Variants in NUP88 observed in about 807,000 individuals in gnomAD.
NUP88 encodes nuclear pore complex protein Nup88.
NUP88 carries 57 observed loss-of-function variants against 93.9 expected under a neutral mutation model. That is an observed-to-expected ratio of 0.61 (90% CI 0.49 to 0.76). The LOEUF (loss-of-function observed/expected upper bound fraction) is 0.76, where lower values mean the gene tolerates loss of function less well. NUP88 is among the 30% of genes least tolerant of loss of function. The probability of loss-of-function intolerance (pLI) is 0.00; values close to 1 mark genes in which losing one functional copy is unlikely to be tolerated. For missense variants in NUP88, 911 were observed against 901.0 expected, an observed-to-expected ratio of 1.01 and a Z score of -0.14; for synonymous variants, 346 against 336.8, an observed-to-expected ratio of 1.03 and a Z score of -0.30.
At chr17:5,418,621 G>A (rs561404145) in intron 1 of NUP88, among the ~76,000 whole-genome samples, 40 of 152,252 alleles carry the variant, frequency 2.6e-4, no homozygotes, top group Admixed American at 7.8e-4. Flanking sequence ...TTTCAAAACT[G>A]CAGAAGCATT....
intron 8 of NUP88, among the ~76,000 whole-genome samples, chr17:5,399,221 A>T (rs1201392836): frequency 2.3e-5 from 3 of 128,696 alleles, no homozygotes; most frequent in South Asian, 2.5e-4. Flanking sequence ...AAAGCAAATT[A>T]TCCCAGACCC....
intron 5 of NUP88, among the ~76,000 whole-genome samples, chr17:5,407,155 T>G (rs920512361): frequency 2.0e-5 from 3 of 152,218 alleles, no homozygotes; most frequent in African/African-American, 7.2e-5. Context: ...CACCATTCTG[T>G]AACCTACCGA....
intron 13 of NUP88, 27 bp downstream of exon 13, chr17:5,387,578 T>C: frequency 1.9e-6 from 3 of 1,603,882 alleles, no homozygotes; most frequent in Non-Finnish European, 2.6e-6. Flanking sequence ...ACTGACCTAT[T>C]GTATTCTTCT....
At chr17:5,415,414 T>C (rs1914079320) in intron 2 of NUP88, among the ~76,000 whole-genome samples, 1 of 152,246 alleles carries the variant, frequency 6.6e-6, no homozygotes, top group Non-Finnish European at 1.5e-5. Context: ...TTTTCAGATA[T>C]AGTATCTCAT....
chr17:5,395,837 G>A lies in NUP88; in HGVS notation c.1292-856C>T, dbSNP rs148467930. Among the ~76,000 whole-genome samples the A allele has an allele frequency of 4.2e-3, 642 of 152,232 alleles. 5 individuals carry two copies. The highest frequency in any genetic ancestry group is 0.015 in the African/African-American group (605 of 41,538). ...CTGGCCTGTAACAGCTTTTTGAAAC[G>A]TAATTCACAGTACCATACAAGTCAT... On this transcript the variant is annotated intron_variant, in intron 8 of 16. Transcript: ENST00000573584.
intron 3 of NUP88, among the ~76,000 whole-genome samples, chr17:5,411,043 C>T (rs1288341797): frequency 6.6e-6 from 1 of 152,160 alleles, no homozygotes; most frequent in East Asian, 1.9e-4. Flanking sequence ...CATAACATCG[C>T]ACCTCTGTCA....
chr17:5,413,417 A>G (rs961862143), intron 3 of NUP88, among the ~76,000 whole-genome samples: 12 of 152,226 alleles, frequency 7.9e-5, no homozygotes, highest in African/African-American at 1.2e-4. Flanking sequence ...AGTGATTACG[A>G]AAAATAAAAC....
At chr17:5,404,906 G>A in intron 6 of NUP88, 151 bp downstream of exon 6, 2 of 717,072 alleles carry the variant, frequency 2.8e-6, no homozygotes, top group Non-Finnish European at 4.5e-6. Context: ...TGCTAAGTGT[G>A]CTTCAGCTAC....
At position 5,402,719 on chromosome 17, in the gene NUP88, T is replaced by C. The variant is rs151089049; in HGVS notation, c.1192+1380A>G. On this transcript the variant is annotated intron_variant, in intron 7 of 16. Coordinates refer to ENST00000573584, the MANE Select transcript of NUP88 (RefSeq NM_002532.6). ...GATTTCATTCTTTTTTAAAGCCAAA[T>C]AGGGCTGGGCATGGTGGTTCACACC... Among the ~76,000 whole-genome samples, 160 of 152,086 alleles carry C rather than the reference T, an allele frequency of 1.1e-3. 1 individual carries two copies. The highest frequency in any genetic ancestry group is 0.01 in the Middle Eastern group (3 of 294).
intron 2 of NUP88, among the ~76,000 whole-genome samples, chr17:5,416,180 T>TATAC (rs1374990658): frequency 0.039 from 4,184 of 107,306 alleles, 140 homozygotes; most frequent in Non-Finnish European, 0.056. Context: ...TATATATATA[T>TATAC]ACACACATAC....
Position 5,385,378 on chromosome 17 carries a change from A to C in NUP88, c.*828T>G. ...ATTCAGTCTGTGCCTACATGTTCTCATGCATGTCTAACCTGATTTACCTCT... is the reference window on the plus strand; with the variant it reads ...ATTCAGTCTGTGCCTACATGTTCTCCTGCATGTCTAACCTGATTTACCTCT... On this transcript the variant is annotated 3_prime_UTR_variant, in exon 17 of 17. Transcript: ENST00000573584. 1 of 230,466 alleles carries C rather than the reference A, an allele frequency of 4.3e-6. No homozygotes were observed. Among genetic ancestry groups the C allele is most frequent in the Non-Finnish European group, 8.6e-6 (1 of 116,344 alleles). The allele number at this position is 230,466 out of a possible 1,614,324, so 14.3% of individuals were successfully genotyped here.
Position 5,404,131 on chromosome 17 carries a change from G to A in NUP88, c.1160C>T (p.Ser387Phe). Reference protein sequence around the residue: ...LASGEDDPFDSDFSCPVKLHR... With the variant: ...LASGEDDPFDFDFSCPVKLHR... ...AAGTTTGACTGGACAAGAAAAGTCA[G>A]AATCAAAAGGGTCATCCTCTCCAGA... Residue 387 changes from serine to phenylalanine, a missense_variant, in exon 7 of 17, where the codon TCT becomes TTT. Ser to Phe is a radical substitution (Grantham distance 155). Coordinates refer to ENST00000573584, the MANE Select transcript of NUP88 (RefSeq NM_002532.6). The A allele has an allele frequency of 6.2e-7, 1 of 1,614,072 alleles. No individual in the cohort carries two copies. Among genetic ancestry groups the A allele is most frequent in the Non-Finnish European group, 8.5e-7 (1 of 1,179,984 alleles).
intron 3 of NUP88, among the ~76,000 whole-genome samples, chr17:5,413,662 G>A (rs1357628485): frequency 6.6e-6 from 1 of 152,156 alleles, no homozygotes; most frequent in Non-Finnish European, 1.5e-5. Context: ...AACAGAAAAG[G>A]AGGTGGGACA....
intron 10 of NUP88, among the ~76,000 whole-genome samples, chr17:5,389,984 G>A (rs1328073972): frequency 6.6e-6 from 1 of 151,732 alleles, no homozygotes; most frequent in African/African-American, 2.4e-5. Context: ...TGGCCAACAT[G>A]GCAAAACCTC....
chr17:5,412,245 G>A (rs1913881245), intron 3 of NUP88, among the ~76,000 whole-genome samples: 1 of 152,140 alleles, frequency 6.6e-6, no homozygotes. Context: ...TTCCTTAGGA[G>A]TACAGTATAA....
chr17:5,394,039 A>G (rs1257436753), intron 9 of NUP88, among the ~76,000 whole-genome samples: 1 of 152,180 alleles, frequency 6.6e-6, no homozygotes, highest in Non-Finnish European at 1.5e-5. Context: ...GAAAGACAGA[A>G]GATGAGTTAA....
chr17:5,410,410 T>G (rs1383442960), intron 4 of NUP88, among the ~76,000 whole-genome samples: 1 of 152,144 alleles, frequency 6.6e-6, no homozygotes, highest in Non-Finnish European at 1.5e-5. Flanking sequence ...CAATGCAAGA[T>G]ATTATCTTAG....
At chr17:5,407,165 A>T (rs1291248550) in intron 5 of NUP88, among the ~76,000 whole-genome samples, 6 of 152,174 alleles carry the variant, frequency 3.9e-5, no homozygotes. Flanking sequence ...TAACCTACCG[A>T]GCTCTTTCAT....
In NUP88 at chr17:5,404,126, A is replaced by G. The variant is rs1260946048; in HGVS notation, c.1165T>C (p.Phe389Leu). 2 of 1,614,058 alleles carry G rather than the reference A, an allele frequency of 1.2e-6. No homozygotes were observed. The highest frequency in any genetic ancestry group is 1.7e-5 in the Admixed American group (1 of 59,998). ...SGEDDPFDSD[F>L]SCPVKLHRDP... ...CTATGAAGTTTGACTGGACAAGAAAAGTCAGAATCAAAAGGGTCATCCTCT... is the reference window on the plus strand; with the variant it reads ...CTATGAAGTTTGACTGGACAAGAAAGGTCAGAATCAAAAGGGTCATCCTCT... The change falls in exon 7 of 17, where the codon TTT becomes CTT. Residue 389 changes from phenylalanine to leucine, a missense_variant. Transcript: ENST00000573584.
Sources: allele counts gnomAD v4.1 joint callset (sites outside exome capture counted in the v4.1 genomes callset), GRCh38; gene constraint gnomAD v4.1.1; transcripts MANE v1.5; gene names NCBI Gene and HGNC (gene_info 2026-07-23, HGNC 2026-07-21).